Variants in TAF4 observed in about 807,000 individuals in gnomAD.
The protein encoded by TAF4 is transcription initiation factor TFIID subunit 4.
Under a neutral mutation model 90.3 loss-of-function variants are expected in TAF4, and 9 were observed. The observed-to-expected ratio is 0.10, with a 90% CI of 0.06 to 0.17. The LOEUF is 0.17. Among genes scored for constraint, TAF4 ranks in the 10% least tolerant of loss-of-function variants. The pLI, the probability that TAF4 is intolerant of heterozygous loss-of-function variation, is 1.00. For missense variants in TAF4, 1,351 were observed against 1,370.7 expected, an observed-to-expected ratio of 0.99 and a Z score of 0.23; for synonymous variants, 818 against 638.9, an observed-to-expected ratio of 1.28 and a Z score of -4.23.
At chr20:62,062,111 C>A (rs1188880808) in intron 1 of TAF4, among the ~76,000 whole-genome samples, 2 of 152,222 alleles carry the variant, frequency 1.3e-5, no homozygotes, top group Non-Finnish European at 2.9e-5. Context: ...CCCTGCCCAC[C>A]CCTAATACTC....
chr20:62,006,405 T>C lies in TAF4; in HGVS notation c.2223+105A>G, dbSNP rs1405915949. 1.6e-6 allele frequency: 2 copies of C among 1,283,056 alleles called. No homozygotes were observed. The highest frequency in any genetic ancestry group is 2.4e-5 in the South Asian group (1 of 41,320). 79.5% of individuals were successfully genotyped at this position (1,283,056 alleles called of 1,614,324 possible). ...AAGCTTCCTCTAGCAGGAGGCTTCC[T>C]GCATGCTTGGAAAAGGTTTCTGAGC... On this transcript the variant is annotated intron_variant, in intron 7 of 14. Transcript: ENST00000252996. The surrounding 1 kb of genome is among the most constrained non-coding windows in gnomAD (Gnocchi z 7.0).
chr20:61,998,232 A>T (rs766050678), intron 12 of TAF4, 40 bp from the exon 13 acceptor site: 1 of 1,588,184 alleles, frequency 6.3e-7, no homozygotes, highest in East Asian at 2.2e-5. Flanking sequence ...TAAGTTATGA[A>T]CTAAATGTTT....
Position 61,976,142 on chromosome 20 carries a change from A to C in TAF4, c.*26T>G, listed in dbSNP as rs201466968. 1 of 1,609,490 alleles carries C rather than the reference A, an allele frequency of 6.2e-7. No individual in the cohort carries two copies. Among genetic ancestry groups the C allele is most frequent in the African/African-American group, 1.3e-5 (1 of 74,966 alleles). Reference sequence around the variant, plus strand: ...AAAAAGGCGTAATCTGCAAATATATAAAAAGTCCCCAGGCGTCCTCCTGTG... The same window carrying C: ...AAAAAGGCGTAATCTGCAAATATATCAAAAGTCCCCAGGCGTCCTCCTGTG... On this transcript the variant is annotated 3_prime_UTR_variant, in exon 15 of 15. Coordinates refer to ENST00000252996, the MANE Select transcript of TAF4 (RefSeq NM_003185.4).
chr20:61,992,090 C>A (rs964499065), intron 14 of TAF4, among the ~76,000 whole-genome samples: 5 of 152,020 alleles, frequency 3.3e-5, no homozygotes, highest in Admixed American at 2.6e-4. Flanking sequence ...TGAAGCGTTC[C>A]AAAAGAATCT....
intron 14 of TAF4, among the ~76,000 whole-genome samples, chr20:61,992,101 A>G (rs921316823): frequency 6.6e-6 from 1 of 152,248 alleles, no homozygotes; most frequent in Non-Finnish European, 1.5e-5. Context: ...AAAAGAATCT[A>G]GCAGAGAATG....
At chr20:62,041,836 A>C (rs2055965421) in intron 1 of TAF4, among the ~76,000 whole-genome samples, 1 of 151,832 alleles carries the variant, frequency 6.6e-6, no homozygotes, top group Non-Finnish European at 1.5e-5. Flanking sequence ...GGGGAGGCCA[A>C]GGCAGGAGGA....
chr20:61,977,168 G>A (rs1428146585), intron 14 of TAF4, among the ~76,000 whole-genome samples: 2 of 146,252 alleles, frequency 1.4e-5, no homozygotes, highest in African/African-American at 5.2e-5. Context: ...GCCCAGCGGG[G>A]CACGAGCCAC....
chr20:62,065,365 CCCGCGGCGA>C lies in TAF4; in HGVS notation c.437_445del (p.Val146_Ala148del). ...GGGGCCGGCGGGGGCGGGCTCGGGC[CCCGCGGCGA>C]CGGCGGCGGCGGCGGGCACCGGGGC... On this transcript the variant is annotated inframe_deletion, in exon 1 of 15. Transcript: ENST00000252996. The C allele has an allele frequency of 2.1e-6, 2 of 965,590 alleles. No individual in the cohort carries two copies. The highest frequency in any genetic ancestry group is 9.6e-5 in the South Asian group (2 of 20,872). The allele number at this position is 965,590 out of a possible 1,614,324, so 59.8% of individuals were successfully genotyped here. A position where few individuals can be genotyped will look rare whatever the true frequency, so the allele number is the denominator to read the frequency against.
intron 1 of TAF4, among the ~76,000 whole-genome samples, chr20:62,041,669 G>A (rs914578295): frequency 1.3e-4 from 19 of 151,758 alleles, no homozygotes; most frequent in African/African-American, 4.6e-4. Flanking sequence ...CACTGACCAG[G>A]TGCAGTAGCT....
intron 1 of TAF4, among the ~76,000 whole-genome samples, chr20:62,041,541 A>G (rs2055963804): frequency 6.6e-6 from 1 of 152,114 alleles, no homozygotes; most frequent in African/African-American, 2.4e-5. Flanking sequence ...AGACAGGAGA[A>G]TTGCTTGAAC....
chr20:61,997,736 TAC>T, intron 13 of TAF4, 67 bp from the exon 14 acceptor site: 1 of 1,505,160 alleles, frequency 6.6e-7, no homozygotes, highest in South Asian at 1.4e-5. Context: ...ACAAAAGTAA[TAC>T]ATAGATATGA....
intron 1 of TAF4, among the ~76,000 whole-genome samples, chr20:62,060,074 G>A (rs1213347036): frequency 1.3e-5 from 2 of 152,240 alleles, no homozygotes; most frequent in South Asian, 2.1e-4. Context: ...GCTCTGACCA[G>A]ACGCCGCCTC....
At chr20:62,036,030 TTTTTA>T (rs1452168555) in intron 1 of TAF4, among the ~76,000 whole-genome samples, 1 of 149,448 alleles carries the variant, frequency 6.7e-6, no homozygotes, top group Non-Finnish European at 1.5e-5. Context: ...TTTCTTTTTT[TTTTTA>T]AAAAAAAAAA....
chr20:62,050,988 G>A (rs1040578686), intron 1 of TAF4, among the ~76,000 whole-genome samples: 1 of 152,184 alleles, frequency 6.6e-6, no homozygotes, highest in Non-Finnish European at 1.5e-5. Flanking sequence ...GAGCTGGGAA[G>A]AAAACATTTT....
At chr20:61,994,910 T>G (rs961639875) in intron 14 of TAF4, among the ~76,000 whole-genome samples, 1 of 152,212 alleles carries the variant, frequency 6.6e-6, no homozygotes, top group African/African-American at 2.4e-5. Context: ...TCCTTGTACG[T>G]AAGGATCACA....
chr20:62,007,742 G>C, intron 5 of TAF4, 106 bp from the exon 6 acceptor site: 2 of 1,078,372 alleles, frequency 1.9e-6, no homozygotes, highest in Non-Finnish European at 2.7e-6. Flanking sequence ...TCCGCCCCGA[G>C]TTTCACTGGA....
At chr20:62,034,677 G>A (rs1237601689) in intron 1 of TAF4, among the ~76,000 whole-genome samples, 1 of 152,004 alleles carries the variant, frequency 6.6e-6, no homozygotes, top group African/African-American at 2.4e-5. Context: ...AATGAACTCA[G>A]AATGTCCTGG....
intron 1 of TAF4, among the ~76,000 whole-genome samples, chr20:62,047,222 G>A (rs1023375513): frequency 3.3e-5 from 5 of 151,996 alleles, no homozygotes; most frequent in African/African-American, 9.7e-5. Context: ...CACTATGAGC[G>A]GGACACACTC....
At chr20:62,044,147 A>T (rs1005922194) in intron 1 of TAF4, among the ~76,000 whole-genome samples, 7 of 152,122 alleles carry the variant, frequency 4.6e-5, no homozygotes, top group Non-Finnish European at 1.0e-4. Context: ...TTCCAAAATT[A>T]TTTTTTTTAA....
Sources: allele counts gnomAD v4.1 joint callset (sites outside exome capture counted in the v4.1 genomes callset), GRCh38; gene constraint gnomAD v4.1.1; non-coding constraint Gnocchi (gnomAD v3.1); transcripts MANE v1.5; gene names NCBI Gene and HGNC (gene_info 2026-07-23, HGNC 2026-07-21).